Variants in PTK2 observed in about 807,000 individuals in gnomAD.
PTK2 encodes the protein protein tyrosine kinase 2, also known as focal adhesion kinase 1.
In PTK2, 45 loss-of-function variants were observed where a neutral mutation model predicts 150.1. The ratio of observed to expected loss-of-function variants is 0.30; its 90% CI spans 0.24 to 0.38. PTK2 has a LOEUF of 0.38. PTK2 is among the 10% of genes least tolerant of loss of function. The pLI is 1.00. For missense variants in PTK2, 919 were observed against 1,307.3 expected, an observed-to-expected ratio of 0.70 and a Z score of 4.58; for synonymous variants, 432 against 449.2, an observed-to-expected ratio of 0.96 and a Z score of 0.48.
At chr8:140,911,722 C>CT (rs1374915329) in intron 2 of PTK2, among the ~76,000 whole-genome samples, 7 of 133,886 alleles carry the variant, frequency 5.2e-5, no homozygotes, top group Admixed American at 4.4e-4. Flanking sequence ...GAAAGGGCTA[C>CT]TATTGCTATC....
intron 1 of PTK2, among the ~76,000 whole-genome samples, chr8:140,997,344 A>G (rs2100198180): frequency 6.6e-6 from 1 of 152,366 alleles, no homozygotes; most frequent in South Asian, 2.1e-4. Context: ...TATTGCATAC[A>G]CTGATTGATA....
At chr8:140,852,461 A>G (rs1298581124) in intron 5 of PTK2, among the ~76,000 whole-genome samples, 2 of 152,204 alleles carry the variant, frequency 1.3e-5, no homozygotes, top group African/African-American at 4.8e-5. Flanking sequence ...GTGTGTAAAC[A>G]TTAGTGAAAT....
chr8:140,908,368 A>AGCAGCAAGTGCTGGTGGAGAAGCT (rs2100161789), intron 2 of PTK2, among the ~76,000 whole-genome samples: 1 of 152,244 alleles, frequency 6.6e-6, no homozygotes, highest in Non-Finnish European at 1.5e-5. Flanking sequence ...TACAAGATGA[A>AGCAGCAAGTGCTGGTGGAGAAGCT]GCAGCAAGTG....
At chr8:140,698,701 G>A (rs1298147046) in intron 26 of PTK2, among the ~76,000 whole-genome samples, 24 of 152,048 alleles carry the variant, frequency 1.6e-4, no homozygotes, top group African/African-American at 4.1e-4. Context: ...TGCAACCTCC[G>A]CCTCCTGGGT....
At chr8:140,844,926 T>C (rs919553534) in intron 7 of PTK2, among the ~76,000 whole-genome samples, 3 of 152,224 alleles carry the variant, frequency 2.0e-5, no homozygotes, top group Admixed American at 6.5e-5. Context: ...CACACTCCTT[T>C]TCTGTGACTG....
intron 17 of PTK2, 173 bp downstream of exon 20, chr8:140,752,059 A>G: frequency 1.4e-6 from 1 of 706,420 alleles, no homozygotes; most frequent in East Asian, 2.6e-5. Context: ...TTTACCTGGA[A>G]AAATCTGTAG....
intron 1 of PTK2, chr8:140,983,973 G>C (rs546101717): frequency 2.0e-5 from 3 of 152,136 alleles, no homozygotes; most frequent in African/African-American, 7.2e-5. Flanking sequence ...TGGCCAAGAC[G>C]GTAAAACCCC....
intron 26 of PTK2, among the ~76,000 whole-genome samples, chr8:140,690,314 A>G (rs1438995577): frequency 6.6e-6 from 1 of 151,990 alleles, no homozygotes; most frequent in African/African-American, 2.4e-5. Flanking sequence ...TGCAGCGACT[A>G]TTCACAGGCA....
intron 14 of PTK2, among the ~76,000 whole-genome samples, chr8:140,786,726 G>A (rs749683224): frequency 6.6e-6 from 1 of 152,036 alleles, no homozygotes. Context: ...GGACAAACAG[G>A]ACTCCGAACA....
chr8:140,904,271 T>C (rs138227132), intron 2 of PTK2, among the ~76,000 whole-genome samples: 53 of 152,336 alleles, frequency 3.5e-4, no homozygotes, highest in African/African-American at 1.2e-3. Flanking sequence ...GTTTTTGTCA[T>C]TGGTTCTGTT....
chr8:140,966,525 T>C (rs2100185372), intron 1 of PTK2, among the ~76,000 whole-genome samples: 1 of 152,360 alleles, frequency 6.6e-6, no homozygotes, highest in East Asian at 1.9e-4. Context: ...TATTCCATGA[T>C]TTAATCCATC....
intron 1 of PTK2, among the ~76,000 whole-genome samples, chr8:140,943,791 T>C (rs1216812413): frequency 6.6e-6 from 1 of 152,220 alleles, no homozygotes; most frequent in Non-Finnish European, 1.5e-5. Context: ...GTTGCAATGA[T>C]ATCTCGTGTG....
chr8:140,735,854 A>G (rs1326976971), intron 21 of PTK2, among the ~76,000 whole-genome samples: 1 of 152,126 alleles, frequency 6.6e-6, no homozygotes, highest in African/African-American at 2.4e-5. Context: ...AATAAAGAAA[A>G]TCCTAGGATA....
chr8:140,815,234 A>G (rs2100104003), intron 10 of PTK2, among the ~76,000 whole-genome samples: 2 of 152,168 alleles, frequency 1.3e-5, no homozygotes, highest in Non-Finnish European at 2.9e-5. Context: ...AAAAAAAAAA[A>G]AGAATGAGAT....
intron 1 of PTK2, among the ~76,000 whole-genome samples, chr8:140,977,652 G>C (rs530428766): frequency 6.6e-6 from 1 of 151,218 alleles, no homozygotes; most frequent in Non-Finnish European, 1.5e-5. Context: ...AGCTGTGATC[G>C]TCCAACTGGA....
intron 1 of PTK2, among the ~76,000 whole-genome samples, chr8:140,966,869 T>C (rs1234064335): frequency 1.3e-5 from 2 of 152,236 alleles, no homozygotes; most frequent in African/African-American, 4.8e-5. Context: ...AAATTTTCCA[T>C]ACCACACTAA....
intron 13 of PTK2, 81 bp from the exon 14 acceptor site, chr8:140,789,607 C>A: frequency 7.2e-7 from 1 of 1,394,260 alleles, no homozygotes. Flanking sequence ...TGGGGAACTG[C>A]CTTGGATGAG....
intron 1 of PTK2, among the ~76,000 whole-genome samples, chr8:140,950,434 G>A (rs1445988958): frequency 6.6e-6 from 1 of 152,144 alleles, no homozygotes; most frequent in Non-Finnish European, 1.5e-5. Context: ...GCACAGAACT[G>A]GCACCTGTGC....
At chr8:140,763,130 A>C (rs2100070289) in intron 15 of PTK2, among the ~76,000 whole-genome samples, 1 of 152,226 alleles carries the variant, frequency 6.6e-6, no homozygotes, top group Admixed American at 6.5e-5. Context: ...GGCAATCAAA[A>C]TGTACACACA....
Sources: allele counts gnomAD v4.1 joint callset (sites outside exome capture counted in the v4.1 genomes callset), GRCh38; gene constraint gnomAD v4.1.1; transcripts MANE v1.5; gene names NCBI Gene and HGNC (gene_info 2026-07-23, HGNC 2026-07-21).